ANKRD13C: variants seen among roughly 807,000 people sequenced by gnomAD.
ANKRD13C encodes the protein ankyrin repeat domain-containing protein 13C.
A neutral mutation model predicts 65.5 loss-of-function variants in ANKRD13C; 16 were observed. The observed-to-expected ratio is 0.24, with a 90% CI of 0.17 to 0.37. ANKRD13C has a LOEUF of 0.37. ANKRD13C is among the 10% of genes least tolerant of loss of function. ANKRD13C has a pLI of 1.00. For missense variants in ANKRD13C, 503 were observed against 655.9 expected (o/e 0.77, Z 2.55); for synonymous variants, 235 against 238.7 (o/e 0.98, Z 0.14).
intron 6 of ANKRD13C, among the ~76,000 whole-genome samples, chr1:70,305,455 A>C (rs1393326407): frequency 1.3e-5 from 2 of 152,098 alleles, no homozygotes; most frequent in Non-Finnish European, 2.9e-5. Flanking sequence ...TTAAACTTTC[A>C]AATTAATATT....
chr1:70,311,062 T>C (rs1160729382), intron 5 of ANKRD13C, among the ~76,000 whole-genome samples: 1 of 152,220 alleles, frequency 6.6e-6, no homozygotes, highest in East Asian at 1.9e-4. Flanking sequence ...TGATTAAATT[T>C]AGAATTTAAA....
At position 70,279,739 on chromosome 1, in the gene ANKRD13C, G is replaced by C. The variant is rs1324922622; in HGVS notation, c.1216-2895C>G. ...GCTGGTCTCAAACTCCTGGCCTCAA[G>C]TGATCTGCCCAACTCAGCCTCCCAA... On this transcript the variant is annotated intron_variant, in intron 9 of 12. Coordinates refer to ENST00000370944, the MANE Select transcript of ANKRD13C (RefSeq NM_030816.5). Among the ~76,000 whole-genome samples the C allele has an allele frequency of 4.6e-5, 7 of 152,246 alleles. No individual in the cohort carries two copies. The East Asian group carries it at 1.4e-3, about 29-fold the overall frequency.
At chr1:70,340,983 C>T (rs1336564257) in intron 1 of ANKRD13C, among the ~76,000 whole-genome samples, 2 of 151,958 alleles carry the variant, frequency 1.3e-5, no homozygotes, top group Non-Finnish European at 1.5e-5. Flanking sequence ...TGGTGGCGCA[C>T]GCCTGTAGGC....
chr1:70,296,352 C>A, intron 7 of ANKRD13C, 91 bp from the exon 8 acceptor site: 1 of 1,285,826 alleles, frequency 7.8e-7, no homozygotes. Context: ...TATAATGGTA[C>A]CAATTTTTAA....
chr1:70,276,343 A>G (rs1014265252), intron 10 of ANKRD13C, among the ~76,000 whole-genome samples: 1 of 152,158 alleles, frequency 6.6e-6, no homozygotes, highest in African/African-American at 2.4e-5. Context: ...ACAGGTGAGG[A>G]GCTTGGAAAG....
At chr1:70,279,898 G>A (rs914266416) in intron 9 of ANKRD13C, among the ~76,000 whole-genome samples, 9 of 152,150 alleles carry the variant, frequency 5.9e-5, no homozygotes, top group African/African-American at 2.2e-4. Flanking sequence ...TTTGGTACGA[G>A]AGTCCATCTC....
At chr1:70,272,472 A>G (rs2101125036) in intron 11 of ANKRD13C, among the ~76,000 whole-genome samples, 1 of 152,154 alleles carries the variant, frequency 6.6e-6, no homozygotes, top group East Asian at 1.9e-4. Context: ...CACCCGCCTC[A>G]GCCTCCCAAA....
At chr1:70,339,188 A>G in intron 1 of ANKRD13C, among the ~76,000 whole-genome samples, 1 of 151,394 alleles carries the variant, frequency 6.6e-6, no homozygotes, top group East Asian at 1.9e-4. Context: ...CCAGCCTAGG[A>G]AACAAAATGA....
chr1:70,262,606 A>G lies in ANKRD13C; in HGVS notation c.*111T>C. ...ATCGTATTACTGATGTGTCGATTCAATGTGTAATTCCCTTTTCTTCACTGA... is the reference window on the plus strand; with the variant it reads ...ATCGTATTACTGATGTGTCGATTCAGTGTGTAATTCCCTTTTCTTCACTGA... On this transcript the variant is annotated 3_prime_UTR_variant, in exon 13 of 13. Coordinates refer to ENST00000370944, the MANE Select transcript of ANKRD13C (RefSeq NM_030816.5). The G allele has an allele frequency of 8.2e-7, 1 of 1,212,628 alleles. No homozygotes were observed. Among genetic ancestry groups the G allele is most frequent in the Non-Finnish European group, 1.1e-6 (1 of 888,446 alleles). The allele number at this position is 1,212,628 out of a possible 1,614,324, so 75.1% of individuals were successfully genotyped here.
intron 9 of ANKRD13C, among the ~76,000 whole-genome samples, chr1:70,286,865 A>T (rs2101213843): frequency 6.6e-6 from 1 of 152,258 alleles, no homozygotes; most frequent in East Asian, 1.9e-4. Context: ...GGGTACCTGT[A>T]ATCTCAGCTA....
At position 70,303,406 on chromosome 1, in the gene ANKRD13C, GAAGA is replaced by G. The variant is rs538495280; in HGVS notation, c.777-2502_777-2499del. ...TTTGAATAGAAAGTATTATTTTTAAGAAGAAAGCCTGAAAAAATGCCAAATAACA... is the reference window on the plus strand; with the variant it reads ...TTTGAATAGAAAGTATTATTTTTAAGAAGCCTGAAAAAATGCCAAATAACA... On this transcript the variant is annotated intron_variant, in intron 6 of 12. Coordinates refer to ENST00000370944, the MANE Select transcript of ANKRD13C (RefSeq NM_030816.5). Among the ~76,000 whole-genome samples the G allele has an allele frequency of 4.3e-3, 649 of 152,184 alleles. 6 individuals carry two copies. The highest frequency in any genetic ancestry group is 0.038 in the South Asian group (183 of 4,824).
intron 3 of ANKRD13C, among the ~76,000 whole-genome samples, chr1:70,323,890 AT>A (rs201329860): frequency 7.3e-5 from 11 of 151,142 alleles, no homozygotes; most frequent in Non-Finnish European, 1.3e-4. Context: ...ATGCCTGGCA[AT>A]TTTTTTGTAT....
chr1:70,277,649 T>A (rs545645596), intron 9 of ANKRD13C, among the ~76,000 whole-genome samples: 1 of 152,014 alleles, frequency 6.6e-6, no homozygotes, highest in Non-Finnish European at 1.5e-5. Context: ...GACTATGCAA[T>A]TGGACTTCAG....
chr1:70,328,039 C>T (rs552618643), intron 2 of ANKRD13C, among the ~76,000 whole-genome samples: 2 of 150,998 alleles, frequency 1.3e-5, no homozygotes, highest in East Asian at 2.0e-4. Flanking sequence ...AGCGAGACTC[C>T]GACTCAAAAA....
At chr1:70,268,864 A>T (rs1444408640) in intron 12 of ANKRD13C, among the ~76,000 whole-genome samples, 2 of 151,496 alleles carry the variant, frequency 1.3e-5, no homozygotes, top group South Asian at 2.1e-4. Context: ...AATTTCCAAA[A>T]TTTTTTTTTG....
intron 1 of ANKRD13C, among the ~76,000 whole-genome samples, chr1:70,338,679 C>A (rs941963907): frequency 6.6e-6 from 1 of 152,126 alleles, no homozygotes; most frequent in African/African-American, 2.4e-5. Flanking sequence ...GGATTACAGG[C>A]ATGAGCCACC....
chr1:70,354,257 T>G lies in ANKRD13C; in HGVS notation c.152A>C (p.His51Pro). The change falls in exon 1 of 13, where the codon CAT (histidine) becomes CCT (proline). Residue 51 changes from histidine to proline, a missense_variant. His to Pro is a moderately conservative substitution (Grantham distance 77). This residue lies in a region of ANKRD13C where 203 missense variants were observed against 177.6 expected (regional missense o/e 1.14). Coordinates refer to ENST00000370944, the MANE Select transcript of ANKRD13C (RefSeq NM_030816.5). Reference sequence around the variant, plus strand: ...GTGGTGATGGTTACTGAAGATCTTATGACAAGCTTTGCCGCCCTTGCCAAT... The same window carrying G: ...GTGGTGATGGTTACTGAAGATCTTAGGACAAGCTTTGCCGCCCTTGCCAAT... Reference protein sequence around the residue: ...SRIGKGGKACHKIFSNHHHRL... With the variant: ...SRIGKGGKACPKIFSNHHHRL... 6.2e-7 allele frequency: 1 copy of G among 1,613,630 alleles called. No homozygotes were observed. The highest frequency in any genetic ancestry group is 8.5e-7 in the Non-Finnish European group (1 of 1,180,014).
At chr1:70,267,852 C>T (rs763994208) in intron 12 of ANKRD13C, among the ~76,000 whole-genome samples, 6 of 151,950 alleles carry the variant, frequency 3.9e-5, no homozygotes, top group Non-Finnish European at 7.4e-5. Context: ...CACAATTTCC[C>T]GGTGTCATAA....
At chr1:70,270,429 A>G (rs1157830910) in intron 12 of ANKRD13C, among the ~76,000 whole-genome samples, 5 of 152,248 alleles carry the variant, frequency 3.3e-5, no homozygotes, top group Middle Eastern at 3.4e-3. Flanking sequence ...TAGGAAATCT[A>G]TTTTCCTTTA....
Sources: gnomAD v4.1 joint callset for allele counts (sites outside exome capture counted in the v4.1 genomes callset) on GRCh38, gnomAD v4.1.1 for gene constraint, gnomAD v4.1.1 regional missense constraint, MANE v1.5 for transcripts, NCBI Gene and HGNC (gene_info 2026-07-23, HGNC 2026-07-21) for gene names.